BDP1: variants seen among roughly 807,000 people sequenced by gnomAD.
The protein encoded by BDP1 is BDP1 general transcription factor IIIB subunit.
Under a neutral mutation model 266.6 loss-of-function variants are expected in BDP1, and 169 were observed. The observed-to-expected ratio is 0.63, with a 90% confidence interval of 0.56 to 0.72. BDP1 has a LOEUF of 0.72. Among genes scored for constraint, BDP1 ranks in the 30% least tolerant of loss-of-function variants. The pLI is 0.00. For synonymous variants in BDP1, 1,090 were observed against 1,022.4 expected, an observed-to-expected ratio of 1.07 and a Z score of -1.26; for missense variants, 3,015 against 3,053.8, an observed-to-expected ratio of 0.99 and a Z score of 0.30.
At chr5:71,462,007 G>GTGGT (rs1433235993) in intron 3 of BDP1, 81 bp downstream of exon 3, 3 of 793,806 alleles carry the variant, frequency 3.8e-6, no homozygotes, top group Non-Finnish European at 6.3e-6. Flanking sequence ...CTGTCACCCG[G>GTGGT]GCTGGAGTGC....
At chr5:71,545,780 G>A (rs534750688) in intron 32 of BDP1, among the ~76,000 whole-genome samples, 1 of 152,092 alleles carries the variant, frequency 6.6e-6, no homozygotes, top group South Asian at 2.1e-4. Flanking sequence ...AAAGGGAGAG[G>A]AACGTGTGTG....
chr5:71,476,713 C>CT (rs1387747132), intron 7 of BDP1, among the ~76,000 whole-genome samples: 5 of 150,440 alleles, frequency 3.3e-5, no homozygotes, highest in Non-Finnish European at 5.9e-5. Flanking sequence ...AGCTAATTTT[C>CT]TTTTTTTTGA....
At chr5:71,508,301 T>C (rs1398405399) in intron 16 of BDP1, among the ~76,000 whole-genome samples, 2 of 152,008 alleles carry the variant, frequency 1.3e-5, no homozygotes, top group Admixed American at 6.6e-5. Context: ...TTATTTGTTT[T>C]GTTTTTTGTT....
In BDP1 at chr5:71,548,691, A is replaced by G. The variant is rs144136438; in HGVS notation, c.6754A>G (p.Thr2252Ala). ...TAATTTTTTATGGCAGTATACACCA[A>G]CAAGTATTCCAGAAGTCCAACAAGA... ...LTLPVPEYTP[T>A]SIPEVQQENI... Residue 2252 changes from threonine (T) to alanine (A), a missense_variant, in exon 33 of 39, where the codon ACA becomes GCA. Physicochemically the swap from Thr to Ala is moderately conservative, Grantham distance 58 (BLOSUM62 0). This residue lies in a region of BDP1 where 629 missense variants were observed against 632.5 expected (regional missense o/e 0.99). Coordinates refer to ENST00000358731, the MANE Select transcript of BDP1 (RefSeq NM_018429.3). 2 of 1,606,754 alleles carry G rather than the reference A, an allele frequency of 1.2e-6. No homozygotes were observed. The highest frequency in any genetic ancestry group is 8.5e-7 in the Non-Finnish European group (1 of 1,173,950).
intron 15 of BDP1, among the ~76,000 whole-genome samples, chr5:71,503,947 C>T (rs558282008): frequency 3.3e-5 from 5 of 150,790 alleles, no homozygotes; most frequent in African/African-American, 9.8e-5. Flanking sequence ...TGCACTCTAG[C>T]GTGGGTGACA....
rs566151439 is a variant in BDP1, at chr5:71,462,903, C to T, written c.599+977C>T. On this transcript the variant is annotated intron_variant, in intron 3 of 38. Coordinates refer to ENST00000358731, the MANE Select transcript of BDP1 (RefSeq NM_018429.3). ...ATCACAGCATTTTAGGAGGCCAAGGCGAGAGAATTGCTTGAGCCCAGGAGT... is the reference window on the plus strand; with the variant it reads ...ATCACAGCATTTTAGGAGGCCAAGGTGAGAGAATTGCTTGAGCCCAGGAGT... 4.6e-5 allele frequency among the ~76,000 whole-genome samples: 7 copies of T among 151,788 alleles called. No individual in the cohort carries two copies. In the East Asian group the frequency reaches 9.8e-4, roughly 21 times the overall value.
intron 25 of BDP1, among the ~76,000 whole-genome samples, chr5:71,531,578 G>A (rs1183840284): frequency 3.9e-5 from 6 of 151,950 alleles, no homozygotes; most frequent in Non-Finnish European, 5.9e-5. Context: ...GCATAATCTC[G>A]GCTCAATGCA....
intron 15 of BDP1, 24 bp downstream of exon 15, chr5:71,502,815 C>T: frequency 6.3e-6 from 10 of 1,590,738 alleles, no homozygotes; most frequent in Non-Finnish European, 8.6e-6. Flanking sequence ...TTCCTCCTCA[C>T]ATTTTTGGTA....
At chr5:71,524,628 T>C (rs1434219185) in intron 25 of BDP1, among the ~76,000 whole-genome samples, 3 of 141,172 alleles carry the variant, frequency 2.1e-5, no homozygotes, top group Admixed American at 2.1e-4. Context: ...ATTTTTTATT[T>C]ATTTATTTTT....
At chr5:71,465,301 A>ACC in intron 4 of BDP1, among the ~76,000 whole-genome samples, 1 of 152,148 alleles carries the variant, frequency 6.6e-6, no homozygotes, top group Admixed American at 6.6e-5. Context: ...ATTTTTACAG[A>ACC]TAGGGTCTTG....
At chr5:71,532,209 C>T in intron 25 of BDP1, 99 bp from the exon 26 acceptor site, 1 of 1,004,952 alleles carries the variant, frequency 1.0e-6, no homozygotes, top group South Asian at 1.9e-5. Context: ...ATTATTTCTT[C>T]ATTTTAGCGT....
chr5:71,542,003 C>A (rs1766996932), intron 29 of BDP1, 102 bp from the exon 30 acceptor site: 1 of 894,770 alleles, frequency 1.1e-6, no homozygotes, highest in African/African-American at 1.7e-5. Context: ...GACAGTGTGG[C>A]ACCTAACAGG....
chr5:71,521,414 T>C (rs1765488390), intron 22 of BDP1, among the ~76,000 whole-genome samples: 1 of 149,578 alleles, frequency 6.7e-6, no homozygotes, highest in Non-Finnish European at 1.5e-5. Flanking sequence ...TGCCTCAGCC[T>C]CCCGAGTAGC....
chr5:71,505,522 G>A (rs1393667241), intron 16 of BDP1, among the ~76,000 whole-genome samples: 1 of 152,100 alleles, frequency 6.6e-6, no homozygotes, highest in African/African-American at 2.4e-5. Flanking sequence ...AGGGTACCAA[G>A]CCAGACTGAT....
At chr5:71,526,840 C>G (rs996377308) in intron 25 of BDP1, among the ~76,000 whole-genome samples, 2 of 151,728 alleles carry the variant, frequency 1.3e-5, no homozygotes, top group Admixed American at 1.3e-4. Flanking sequence ...TGTGCACCAC[C>G]AAGCCTGATT....
chr5:71,498,362 C>T (rs1764020574), intron 13 of BDP1, among the ~76,000 whole-genome samples: 2 of 152,150 alleles, frequency 1.3e-5, no homozygotes. Flanking sequence ...TCCCAGTGTG[C>T]TGGGGTTATA....
In BDP1 at chr5:71,455,886, C is replaced by T. The variant is rs773015738; in HGVS notation, c.9C>T (p.Arg3=). The part of the protein sequence containing the change: MF[R]RARLSVKPNV... The stretch of plus-strand genomic sequence containing the variant: ...GGCCCCCTGCCTCCGCCATGTTCCG[C>T]AGGGCACGCCTTAGCGTGAAGCCGA... The change falls in exon 1 of 39, where the codon CGC becomes CGT. Residue 3 remains arginine, a synonymous_variant. Coordinates refer to ENST00000358731, the MANE Select transcript of BDP1 (RefSeq NM_018429.3). 1 of 1,587,464 alleles carries T rather than the reference C, an allele frequency of 6.3e-7. No homozygotes were observed. Among genetic ancestry groups the T allele is most frequent in the Non-Finnish European group, 8.6e-7 (1 of 1,167,368 alleles).
At chr5:71,458,480 C>T (rs576166385) in intron 1 of BDP1, 99 bp from the exon 2 acceptor site, 20 of 826,876 alleles carry the variant, frequency 2.4e-5, no homozygotes, top group Middle Eastern at 3.3e-4. Context: ...TTTTTAATTA[C>T]GAGATTGCAG....
chr5:71,560,323 G>C, intron 37 of BDP1, 86 bp downstream of exon 37: 2 of 1,379,312 alleles, frequency 1.5e-6, no homozygotes, highest in East Asian at 4.7e-5. Context: ...CCAGTACTAA[G>C]GATGGTGTTT....
Sources: gnomAD v4.1 joint callset for allele counts (sites outside exome capture counted in the v4.1 genomes callset) on GRCh38, gnomAD v4.1.1 for gene constraint, gnomAD v4.1.1 regional missense constraint, MANE v1.5 for transcripts, NCBI Gene and HGNC (gene_info 2026-07-23, HGNC 2026-07-21) for gene names.